UMAD1: variants seen among roughly 807,000 people sequenced by gnomAD.
UMAD1 encodes the protein UBAP1-MVB12-associated (UMA)-domain containing protein 1.
UMAD1 carries 8 observed loss-of-function variants against 6.1 expected under a neutral mutation model. The observed-to-expected ratio is 1.30, with a 90% CI of 0.76 to 2.35. The LOEUF is 2.35. Ranked by LOEUF, UMAD1 falls within the 30% of genes most tolerant of loss-of-function variation. UMAD1 has a pLI of 0.00. For missense variants in UMAD1, 130 were observed against 78.4 expected (o/e 1.66, Z -2.49); for synonymous variants, 56 against 31.4 (o/e 1.78, Z -2.61).
At chr7:7,855,830 C>G (rs1041051780) in intron 3 of UMAD1, among the ~76,000 whole-genome samples, 22 of 152,206 alleles carry the variant, frequency 1.4e-4, no homozygotes, top group African/African-American at 5.3e-4. Context: ...GCTCTGCCAC[C>G]TCTTGAATGC....
intron 2 of UMAD1, among the ~76,000 whole-genome samples, chr7:7,742,797 G>C (rs1044163412): frequency 6.6e-6 from 1 of 152,068 alleles, no homozygotes; most frequent in African/African-American, 2.4e-5. Flanking sequence ...TGATATTGAT[G>C]CTTTATTTTG....
At chr7:7,693,457 G>A (rs897452129) in intron 2 of UMAD1, among the ~76,000 whole-genome samples, 2 of 152,018 alleles carry the variant, frequency 1.3e-5, no homozygotes, top group African/African-American at 4.8e-5. Context: ...GATGTTTTGG[G>A]GGAAGAAGTT....
intron 2 of UMAD1, among the ~76,000 whole-genome samples, chr7:7,796,592 C>G (rs551513396): frequency 2.6e-5 from 4 of 152,276 alleles, no homozygotes; most frequent in African/African-American, 9.6e-5. Flanking sequence ...ACACCAGATA[C>G]TGACCATTTG....
intron 2 of UMAD1, among the ~76,000 whole-genome samples, chr7:7,726,614 C>T (rs1370635098): frequency 1.3e-5 from 2 of 152,190 alleles, no homozygotes; most frequent in African/African-American, 4.8e-5. Flanking sequence ...CACCATTCAC[C>T]CTCACCCCTA....
chr7:7,688,995 A>G (rs1050133171), intron 2 of UMAD1, among the ~76,000 whole-genome samples: 2 of 152,198 alleles, frequency 1.3e-5, no homozygotes, highest in African/African-American at 4.8e-5. Context: ...GCAAATTAGT[A>G]AGCATTCAGA....
intron 2 of UMAD1, among the ~76,000 whole-genome samples, chr7:7,689,837 T>A (rs1780131660): frequency 6.6e-6 from 1 of 152,208 alleles, no homozygotes; most frequent in African/African-American, 2.4e-5. Context: ...TGGATATTGC[T>A]GGTACCAAGG....
rs770679624 is a variant in UMAD1, at chr7:7,673,367, C to CAGCAGCAGCAGT, written c.-1_1insGCAGCAGTAGCA. 5 of 1,105,546 alleles carry CAGCAGCAGCAGT rather than the reference C, an allele frequency of 4.5e-6. No homozygotes were observed. In the South Asian group the frequency reaches 6.8e-5, roughly 15 times the overall value. The allele number at this position is 1,105,546 out of a possible 1,614,324, so 68.5% of individuals were successfully genotyped here. On this transcript the variant is annotated 5_prime_UTR_variant, in exon 2 of 4. Transcript: ENST00000682710. ...GCAGCAGCAGCAGCAGCAGCAGCAG[C>CAGCAGCAGCAGT]AGCAATGTTTCACTTCTTCAGAAAG...
At chr7:7,820,644 T>C (rs941578459) in intron 3 of UMAD1, among the ~76,000 whole-genome samples, 1 of 152,158 alleles carries the variant, frequency 6.6e-6, no homozygotes, top group Non-Finnish European at 1.5e-5. Context: ...AGCTGTCTTT[T>C]GTAGTTTCAT....
intron 3 of UMAD1, among the ~76,000 whole-genome samples, chr7:7,824,338 T>A (rs551013629): frequency 5.9e-5 from 9 of 152,138 alleles, no homozygotes; most frequent in Non-Finnish European, 1.0e-4. Context: ...AATTCCCCCT[T>A]CTTTTACTTC....
chr7:7,797,575 C>T (rs761747172), intron 2 of UMAD1, among the ~76,000 whole-genome samples: 6 of 152,158 alleles, frequency 3.9e-5, no homozygotes, highest in African/African-American at 1.4e-4. Context: ...ACATAGTGCT[C>T]ACTCTTCAGC....
chr7:7,850,536 TAA>T (rs1228172973), intron 3 of UMAD1, among the ~76,000 whole-genome samples: 4 of 152,118 alleles, frequency 2.6e-5, no homozygotes, highest in African/African-American at 9.7e-5. Context: ...AAAACTGATA[TAA>T]GTTAATTTAA....
chr7:7,835,500 T>TTTTTTTTTTTTTTTTTA (rs776524699), intron 3 of UMAD1, among the ~76,000 whole-genome samples: 2 of 102,444 alleles, frequency 2.0e-5, no homozygotes, highest in Non-Finnish European at 2.0e-5. Context: ...TTTTTTTTTT[T>TTTTTTTTTTTTTTTTTA]AGCTCTTAGC....
chr7:7,689,017 T>TTAC (rs1293956127), intron 2 of UMAD1, among the ~76,000 whole-genome samples: 1 of 152,206 alleles, frequency 6.6e-6, no homozygotes, highest in East Asian at 1.9e-4. Context: ...TAAGCCTGCC[T>TTAC]TACTCTGGGG....
chr7:7,849,001 A>G (rs1016254283), intron 3 of UMAD1, among the ~76,000 whole-genome samples: 14 of 152,166 alleles, frequency 9.2e-5, no homozygotes, highest in African/African-American at 3.4e-4. Context: ...TATTACGTGC[A>G]CTTCTTGGAA....
At chr7:7,683,580 G>A (rs917259750) in intron 2 of UMAD1, among the ~76,000 whole-genome samples, 1 of 151,468 alleles carries the variant, frequency 6.6e-6, no homozygotes, top group Non-Finnish European at 1.5e-5. Context: ...AAAAAGAGCA[G>A]AAAGCTTCAT....
chr7:7,717,491 C>G (rs574218637), intron 2 of UMAD1, among the ~76,000 whole-genome samples: 1 of 152,258 alleles, frequency 6.6e-6, no homozygotes, highest in South Asian at 2.1e-4. Flanking sequence ...GAAGTATTTA[C>G]TTTATTAAAT....
intron 2 of UMAD1, chr7:7,736,211 T>A (rs1038244944): frequency 2.0e-5 from 3 of 152,260 alleles, no homozygotes; most frequent in Non-Finnish European, 4.4e-5. Context: ...ATGTTGCATA[T>A]TATGACTTGA....
At chr7:7,803,359 C>T (rs1043385819) in intron 3 of UMAD1, among the ~76,000 whole-genome samples, 7 of 152,152 alleles carry the variant, frequency 4.6e-5, no homozygotes, top group Non-Finnish European at 1.0e-4. Flanking sequence ...CCTGTAGTCC[C>T]AGCTACTCAG....
At chr7:7,707,011 C>T (rs1671657993) in intron 2 of UMAD1, among the ~76,000 whole-genome samples, 1 of 152,138 alleles carries the variant, frequency 6.6e-6, no homozygotes, top group Non-Finnish European at 1.5e-5. Context: ...CATTTTTAGT[C>T]AGTCTCTAGA....
Sources: allele counts gnomAD v4.1 joint callset (sites outside exome capture counted in the v4.1 genomes callset), GRCh38; gene constraint gnomAD v4.1.1; transcripts MANE v1.5; gene names NCBI Gene and HGNC (gene_info 2026-07-23, HGNC 2026-07-21).